FBXW7: variants seen among roughly 807,000 people sequenced by gnomAD.
The protein encoded by FBXW7 is F-box and WD repeat domain containing 7, also known as F-box/WD repeat-containing protein 7.
Under a neutral mutation model 86.3 loss-of-function variants are expected in FBXW7, and 11 were observed. The observed-to-expected ratio is 0.13, with a 90% CI of 0.08 to 0.21. FBXW7 has a LOEUF of 0.21. FBXW7 is among the 10% of genes least tolerant of loss of function. FBXW7 has a pLI of 1.00. For synonymous variants in FBXW7, 313 were observed against 297.9 expected (o/e 1.05, Z -0.52); for missense variants, 488 against 847.4 (o/e 0.58, Z 5.27).
chr4:152,387,561 C>G (rs1012227884), intron 4 of FBXW7, among the ~76,000 whole-genome samples: 1 of 150,372 alleles, frequency 6.7e-6, no homozygotes, highest in Non-Finnish European at 1.5e-5. Flanking sequence ...ATAAATTAAA[C>G]CCTCTGCTTA....
At position 152,411,328 on chromosome 4, in the gene FBXW7, G is replaced by A. The variant is rs749270709; in HGVS notation, c.476C>T (p.Ser159Phe). The change falls in exon 4 of 14, where the codon TCC becomes TTC. Residue 159 changes from serine to phenylalanine, a missense_variant. Ser to Phe is a radical substitution (Grantham distance 155). Transcript: ENST00000281708. ...IVDLPVHQLS[S>F]PFYTKTTKMK... ...TTTTGTTGTTTTTGTATAGAATGGG[G>A]AGGAGAGTTGGTGAACGGGCAGGTC... The A allele has an allele frequency of 3.1e-6, 5 of 1,610,656 alleles. No homozygotes were observed. The highest frequency in any genetic ancestry group is 4.2e-6 in the Non-Finnish European group (5 of 1,178,300).
intron 8 of FBXW7, among the ~76,000 whole-genome samples, chr4:152,331,252 A>C (rs1729537103): frequency 1.3e-5 from 2 of 152,190 alleles, no homozygotes; most frequent in African/African-American, 4.8e-5. Flanking sequence ...AACAATTAAA[A>C]GCAGAGTCTC....
At chr4:152,474,594 T>G (rs1744232851) in intron 2 of FBXW7, among the ~76,000 whole-genome samples, 1 of 152,198 alleles carries the variant, frequency 6.6e-6, no homozygotes, top group South Asian at 2.1e-4. Flanking sequence ...CTAGTACAAA[T>G]CAACAGTTTA....
intron 2 of FBXW7, among the ~76,000 whole-genome samples, chr4:152,465,226 T>C (rs1743295889): frequency 6.6e-6 from 1 of 152,128 alleles, no homozygotes; most frequent in Admixed American, 6.5e-5. Flanking sequence ...ATCAAAACCT[T>C]ATTTAAAATA....
At chr4:152,433,971 A>G (rs1740144851) in intron 2 of FBXW7, among the ~76,000 whole-genome samples, 1 of 152,236 alleles carries the variant, frequency 6.6e-6, no homozygotes, top group Admixed American at 6.5e-5. Flanking sequence ...TGAACAGCAC[A>G]GGTGCACTTA....
At chr4:152,515,680 C>T (rs1439885644) in intron 2 of FBXW7, among the ~76,000 whole-genome samples, 4 of 149,944 alleles carry the variant, frequency 2.7e-5, no homozygotes, top group Admixed American at 2.7e-4. Flanking sequence ...AAAAAGAACA[C>T]AAACACAACA....
At chr4:152,348,981 G>A (rs1198605708) in intron 5 of FBXW7, among the ~76,000 whole-genome samples, 1 of 151,930 alleles carries the variant, frequency 6.6e-6, no homozygotes, top group Non-Finnish European at 1.5e-5. Flanking sequence ...TCTTTTCTGT[G>A]TTATCTCTTC....
intron 2 of FBXW7, among the ~76,000 whole-genome samples, chr4:152,491,968 T>C (rs766833203): frequency 1.3e-5 from 2 of 152,208 alleles, no homozygotes; most frequent in South Asian, 4.1e-4. Context: ...GATAAGCCCA[T>C]GTAACACACA....
At chr4:152,417,826 CT>C (rs769552047) in intron 2 of FBXW7, among the ~76,000 whole-genome samples, 38 of 152,182 alleles carry the variant, frequency 2.5e-4, no homozygotes, top group Middle Eastern at 3.4e-3. Context: ...GCAACCACCC[CT>C]GGCCTTGCTG....
chr4:152,474,974 C>T (rs567308375), intron 2 of FBXW7, among the ~76,000 whole-genome samples: 270 of 152,100 alleles, frequency 1.8e-3, no homozygotes, highest in Non-Finnish European at 2.9e-3. Flanking sequence ...TGGTAGCAAA[C>T]GCCAGTAATC....
chr4:152,479,717 G>C (rs1744715458), intron 2 of FBXW7, among the ~76,000 whole-genome samples: 1 of 152,090 alleles, frequency 6.6e-6, no homozygotes, highest in Admixed American at 6.6e-5. Context: ...ATAACAAAAG[G>C]AACATGGTAT....
intron 2 of FBXW7, among the ~76,000 whole-genome samples, chr4:152,485,108 T>C (rs781287413): frequency 8.6e-5 from 13 of 152,018 alleles, no homozygotes; most frequent in Non-Finnish European, 1.8e-4. Flanking sequence ...ACATTCTAAA[T>C]ATCTAGAGAA....
chr4:152,507,105 C>T (rs1247157308), intron 2 of FBXW7, among the ~76,000 whole-genome samples: 1 of 151,986 alleles, frequency 6.6e-6, no homozygotes, highest in Non-Finnish European at 1.5e-5. Flanking sequence ...TACATAGGAG[C>T]ATATGCATGT....
At chr4:152,484,569 T>G (rs1745178141) in intron 2 of FBXW7, among the ~76,000 whole-genome samples, 1 of 152,212 alleles carries the variant, frequency 6.6e-6, no homozygotes, top group Non-Finnish European at 1.5e-5. Flanking sequence ...AACTTACATG[T>G]GGCACATTAT....
intron 2 of FBXW7, among the ~76,000 whole-genome samples, chr4:152,497,801 C>G (rs1746503767): frequency 6.6e-6 from 1 of 152,044 alleles, no homozygotes; most frequent in Non-Finnish European, 1.5e-5. Flanking sequence ...CAGTAAGTAC[C>G]TATGTACGAG....
chr4:152,411,583 T>A lies in FBXW7; in HGVS notation c.221A>T (p.Gln74Leu), dbSNP rs1307578120. ...PRPGGQNDSQ[Q>L]GQLEENNNRF... Reference sequence around the variant, plus strand: ...ATTATTGTTTTCTTCCAACTGTCCTTGCTGGGAATCATTTTGGCCTCCAGG... The same window carrying A: ...ATTATTGTTTTCTTCCAACTGTCCTAGCTGGGAATCATTTTGGCCTCCAGG... The change falls in exon 4 of 14, where the codon CAA becomes CTA. Residue 74 changes from glutamine to leucine, a missense_variant. This residue lies in a region of FBXW7 where 230 missense variants were observed against 240.0 expected (regional missense o/e 0.96). Coordinates refer to ENST00000281708, the MANE Select transcript of FBXW7 (RefSeq NM_001349798.2). 6.2e-7 allele frequency: 1 copy of A among 1,613,910 alleles called. No homozygotes were observed. Among genetic ancestry groups the A allele is most frequent in the East Asian group, 2.2e-5 (1 of 44,860 alleles).
intron 2 of FBXW7, among the ~76,000 whole-genome samples, chr4:152,524,073 C>T (rs1321912507): frequency 6.6e-6 from 1 of 152,206 alleles, no homozygotes; most frequent in Non-Finnish European, 1.5e-5. Flanking sequence ...ATTATTGCAG[C>T]AGCTAACATT....
chr4:152,457,398 T>C (rs1742515075), intron 2 of FBXW7, among the ~76,000 whole-genome samples: 1 of 152,094 alleles, frequency 6.6e-6, no homozygotes, highest in South Asian at 2.1e-4. Context: ...ATCCCAGCAC[T>C]CTGGGAGGCC....
At chr4:152,515,434 TTAAAA>T (rs1748391642) in intron 2 of FBXW7, among the ~76,000 whole-genome samples, 1 of 152,136 alleles carries the variant, frequency 6.6e-6, no homozygotes, top group African/African-American at 2.4e-5. Context: ...TAAAATCAAC[TTAAAA>T]TGGGGGGAAA....
Sources: allele counts gnomAD v4.1 joint callset (sites outside exome capture counted in the v4.1 genomes callset), GRCh38; gene constraint gnomAD v4.1.1; regional missense constraint gnomAD v4.1.1; transcripts MANE v1.5; gene names NCBI Gene and HGNC (gene_info 2026-07-23, HGNC 2026-07-21).